The following COL25A1 variants were observed in gnomAD, a reference collection of about 807,000 sequenced individuals.
The protein encoded by COL25A1 is collagen alpha-1(XXV) chain.
In COL25A1, 103 loss-of-function variants were observed where a neutral mutation model predicts 128.4. That is an observed-to-expected ratio of 0.80 (90% CI 0.68 to 0.94). COL25A1 has a LOEUF of 0.94. COL25A1 is among the 40% of genes least tolerant of loss of function. The pLI, the probability that COL25A1 is intolerant of heterozygous loss-of-function variation, is 0.00. For missense variants in COL25A1, 745 were observed against 840.0 expected, an observed-to-expected ratio of 0.89 and a Z score of 1.40; for synonymous variants, 279 against 277.2, an observed-to-expected ratio of 1.01 and a Z score of -0.06.
At chr4:109,261,861 C>T (rs932127615) in intron 3 of COL25A1, among the ~76,000 whole-genome samples, 5 of 151,698 alleles carry the variant, frequency 3.3e-5, no homozygotes, top group Non-Finnish European at 7.4e-5. Context: ...CCATGCCTGG[C>T]TATTTTTTTG....
At chr4:108,905,052 T>G (rs541458221) in intron 13 of COL25A1, among the ~76,000 whole-genome samples, 6 of 152,316 alleles carry the variant, frequency 3.9e-5, no homozygotes, top group South Asian at 4.1e-4. Flanking sequence ...TTACAAATAT[T>G]GAGTGCTCAA....
intron 31 of COL25A1, among the ~76,000 whole-genome samples, chr4:108,832,855 G>T (rs1458594873): frequency 6.6e-6 from 1 of 151,910 alleles, no homozygotes; most frequent in Non-Finnish European, 1.5e-5. Flanking sequence ...ACAAAAATTA[G>T]CTGGGCATGG....
chr4:108,934,348 T>TGGGGGGGGGGGGGGGGGGTG (rs1578812377), intron 11 of COL25A1, among the ~76,000 whole-genome samples: 1 of 27,530 alleles, frequency 3.6e-5, no homozygotes, highest in Admixed American at 4.0e-4. Context: ...GATGGGGGGC[T>TGGGGGGGGGGGGGGGGGGTG]GGGGGAGGGA....
At chr4:109,277,506 T>C (rs1722957124) in intron 3 of COL25A1, among the ~76,000 whole-genome samples, 1 of 152,194 alleles carries the variant, frequency 6.6e-6, no homozygotes, top group Non-Finnish European at 1.5e-5. Flanking sequence ...TTAAAAATTT[T>C]CTCTTCTGAA....
At chr4:109,036,874 T>C (rs1216418219) in intron 5 of COL25A1, among the ~76,000 whole-genome samples, 4 of 152,246 alleles carry the variant, frequency 2.6e-5, no homozygotes, top group Admixed American at 2.6e-4. Flanking sequence ...CTGAACTGTA[T>C]GCCAACTGGT....
At chr4:108,826,034 C>CT (rs952113715) in intron 33 of COL25A1, among the ~76,000 whole-genome samples, 2 of 151,772 alleles carry the variant, frequency 1.3e-5, no homozygotes, top group Non-Finnish European at 2.9e-5. Context: ...AAATCAGCAT[C>CT]TTTTTTTTGA....
At chr4:108,972,530 A>C (rs1419977377) in intron 8 of COL25A1, among the ~76,000 whole-genome samples, 1 of 152,142 alleles carries the variant, frequency 6.6e-6, no homozygotes, top group Non-Finnish European at 1.5e-5. Context: ...AATCTGAGAA[A>C]AGACAGGCAA....
chr4:109,005,517 A>G (rs1338796151), intron 6 of COL25A1, among the ~76,000 whole-genome samples: 2 of 152,182 alleles, frequency 1.3e-5, no homozygotes, highest in Non-Finnish European at 2.9e-5. Context: ...CACAATATGA[A>G]TATGGTTTAT....
At chr4:109,080,401 G>GA (rs1239359017) in intron 3 of COL25A1, among the ~76,000 whole-genome samples, 4 of 151,924 alleles carry the variant, frequency 2.6e-5, no homozygotes, top group African/African-American at 4.8e-5. Flanking sequence ...AATCCTAATA[G>GA]AAAAAAATAT....
chr4:108,927,971 G>A (rs765246844), intron 11 of COL25A1, among the ~76,000 whole-genome samples: 3 of 151,986 alleles, frequency 2.0e-5, no homozygotes, highest in East Asian at 1.9e-4. Flanking sequence ...ATTACCTCTT[G>A]CCAGATATCC....
intron 3 of COL25A1, among the ~76,000 whole-genome samples, chr4:109,230,588 C>A (rs928736404): frequency 1.3e-5 from 2 of 152,122 alleles, no homozygotes; most frequent in East Asian, 1.9e-4. Context: ...GATGTTAATA[C>A]CCACATGAAA....
chr4:108,846,079 A>AT (rs1735055563), intron 28 of COL25A1, 60 bp downstream of exon 28: 3 of 1,092,590 alleles, frequency 2.7e-6, no homozygotes, highest in Non-Finnish European at 4.2e-6. Flanking sequence ...CTGATTGTTT[A>AT]ATTTATCTTA....
chr4:109,096,324 A>G (rs1765396408), intron 3 of COL25A1, among the ~76,000 whole-genome samples: 1 of 152,222 alleles, frequency 6.6e-6, no homozygotes, highest in Non-Finnish European at 1.5e-5. Context: ...TTGGTCCCAT[A>G]TGATTATAAT....
At chr4:109,084,224 A>G (rs921460408) in intron 3 of COL25A1, among the ~76,000 whole-genome samples, 3 of 152,126 alleles carry the variant, frequency 2.0e-5, no homozygotes, top group Admixed American at 6.5e-5. Context: ...AGGGCAAAGG[A>G]CACATATTGC....
rs554159184 is a variant in COL25A1 at position 108,892,410 on chromosome 4, G to T, written c.907-2677C>A. ...TGTGTGTGTTAATAAGGCACATGTG[G>T]ATATATGAAGTGAATGTAGTGACTT... On this transcript the variant is annotated intron_variant, in intron 16 of 37. Coordinates refer to ENST00000399132, the MANE Select transcript of COL25A1 (RefSeq NM_198721.4). Among the ~76,000 whole-genome samples, 4 of 152,266 alleles carry T rather than the reference G, an allele frequency of 2.6e-5. No homozygotes were observed. In the South Asian group the frequency reaches 6.2e-4, roughly 24 times the overall value.
chr4:109,246,038 T>G (rs1289374036), intron 3 of COL25A1, among the ~76,000 whole-genome samples: 1 of 135,806 alleles, frequency 7.4e-6, no homozygotes, highest in Admixed American at 7.1e-5. Flanking sequence ...AAAAAAAAAT[T>G]TAAAAAACAT....
At chr4:109,180,076 G>T (rs369753470) in intron 3 of COL25A1, among the ~76,000 whole-genome samples, 2 of 152,166 alleles carry the variant, frequency 1.3e-5, no homozygotes, top group East Asian at 3.9e-4. Context: ...AATACGTCTG[G>T]TTAGAGTGAA....
intron 32 of COL25A1, among the ~76,000 whole-genome samples, chr4:108,829,300 T>A (rs1275096160): frequency 6.6e-6 from 1 of 152,120 alleles, no homozygotes; most frequent in African/African-American, 2.4e-5. Context: ...GCCAGGAGTT[T>A]GAGACCAGCC....
intron 32 of COL25A1, among the ~76,000 whole-genome samples, chr4:108,827,634 C>T (rs921468290): frequency 6.6e-6 from 1 of 152,098 alleles, no homozygotes; most frequent in Non-Finnish European, 1.5e-5. Context: ...CTAAGTGATC[C>T]TCCCACCTCG....
Sources: gnomAD v4.1 joint callset for allele counts (sites outside exome capture counted in the v4.1 genomes callset) on GRCh38, gnomAD v4.1.1 for gene constraint, MANE v1.5 for transcripts, NCBI Gene and HGNC (gene_info 2026-07-23, HGNC 2026-07-21) for gene names.